The following SIK3 variants were observed in gnomAD, a reference collection of about 807,000 sequenced individuals.
SIK3 encodes the protein serine/threonine-protein kinase SIK3.
Under a neutral mutation model 144.2 loss-of-function variants are expected in SIK3, and 28 were observed. The ratio of observed to expected loss-of-function variants is 0.19; its 90% CI spans 0.14 to 0.27. The LOEUF is 0.27. Among genes scored for constraint, SIK3 ranks in the 10% least tolerant of loss-of-function variants. SIK3 has a pLI of 1.00. For synonymous variants in SIK3, 686 were observed against 676.3 expected, an observed-to-expected ratio of 1.01 and a Z score of -0.22; for missense variants, 1,319 against 1,776.0, an observed-to-expected ratio of 0.74 and a Z score of 4.62.
chr11:116,870,292 C>T (rs1325863218), intron 14 of SIK3, 39 bp downstream of exon 14: 13 of 1,613,406 alleles, frequency 8.1e-6, no homozygotes, highest in Non-Finnish European at 1.0e-5. Flanking sequence ...GGGGAGCCTG[C>T]CCAGGGGCTT....
Position 116,858,264 on chromosome 11 carries a change from G to T in SIK3, c.3201C>A (p.Phe1067Leu). 6.2e-7 allele frequency: 1 copy of T among 1,613,964 alleles called. No individual in the cohort carries two copies. Among genetic ancestry groups the T allele is most frequent in the Non-Finnish European group, 8.5e-7 (1 of 1,179,884 alleles). Residue 1067 changes from phenylalanine (F) to leucine (L), a missense_variant, in exon 21 of 25, where the codon TTC becomes TTA. Phe to Leu is a conservative substitution (Grantham distance 22, BLOSUM62 0). Coordinates refer to ENST00000445177, the MANE Select transcript of SIK3 (RefSeq NM_001366686.3). This position sits in a 1 kb window ranked among gnomAD's most constrained non-coding sequence, Gnocchi z 5.4. ...QQQQQEYQEL[F>L]RHMNQGDAGS... ...CCGCATCCCCTTGGTTCATGTGCCT[G>T]AACAGTTCCTGGTATTCTTGCTGTT...
chr11:117,072,044 T>C (rs1265739215), intron 1 of SIK3, among the ~76,000 whole-genome samples: 1 of 151,628 alleles, frequency 6.6e-6, no homozygotes, highest in Non-Finnish European at 1.5e-5. Flanking sequence ...TCACTGATGG[T>C]TTTAAAGTTC....
chr11:116,953,976 G>A (rs1949049121), intron 3 of SIK3, 68 bp downstream of exon 3: 1 of 1,270,156 alleles, frequency 7.9e-7, no homozygotes, highest in Non-Finnish European at 1.1e-6. Flanking sequence ...CAAAGGCACT[G>A]AACAGCTATT....
chr11:116,918,400 C>G (rs75622802), intron 4 of SIK3, among the ~76,000 whole-genome samples: 10,257 of 152,040 alleles, frequency 0.067, 1,132 homozygotes, highest in African/African-American at 0.24. Context: ...CCCCCACCCC[C>G]ACAAGACCTC....
At chr11:116,906,148 G>A (rs1946019730) in intron 4 of SIK3, among the ~76,000 whole-genome samples, 1 of 152,170 alleles carries the variant, frequency 6.6e-6, no homozygotes, top group South Asian at 2.1e-4. Context: ...TAGGTTAGGT[G>A]TGAGGTGAAT....
At position 117,031,016 on chromosome 11, in the gene SIK3, T is replaced by C. The variant is rs575933595; in HGVS notation, c.273+67127A>G. 5.9e-5 allele frequency among the ~76,000 whole-genome samples: 9 copies of C among 152,338 alleles called. No homozygotes were observed. In the South Asian group the frequency reaches 1.9e-3, roughly 32 times the overall value. On this transcript the variant is annotated intron_variant, in intron 1 of 24. Transcript: ENST00000445177. ...AATTGGATTACTTGGGGTTTTTTAA[T>C]ACTGAGTTTGGAGTTATTTATATAT...
rs747577989 is a variant in SIK3 at position 116,859,552 on chromosome 11, A to G, written c.2478T>C (p.Phe826=). The change falls in exon 20 of 25, where the codon TTT becomes TTC. Residue 826 remains phenylalanine, a synonymous_variant. Coordinates refer to ENST00000445177, the MANE Select transcript of SIK3 (RefSeq NM_001366686.3). ...FQGLPSRSAI[F]QQQPENCSSP... ...AGGAACAGTTCTCAGGTTGCTGCTG[A>G]AAGATTGCACTGCGGGAAGGTAAGC... The G allele has an allele frequency of 8.7e-6, 14 of 1,614,060 alleles. No homozygotes were observed. In the Admixed American group the frequency reaches 1.3e-4, roughly 15 times the overall value.
chr11:117,090,881 T>A lies in SIK3; in HGVS notation c.273+7262A>T, dbSNP rs1348972665. 5.9e-5 allele frequency among the ~76,000 whole-genome samples: 9 copies of A among 152,324 alleles called. No homozygotes were observed. In the East Asian group the frequency reaches 1.5e-3, roughly 26 times the overall value. On this transcript the variant is annotated intron_variant, in intron 1 of 24. Transcript: ENST00000445177. ...CTCTTCCTCTCTACTCGGAAATGTT[T>A]CCTCTCATCATGACATCTCGCTTTT...
At chr11:116,896,423 A>G in intron 5 of SIK3, 47 bp from the exon 6 acceptor site, 1 of 1,597,102 alleles carries the variant, frequency 6.3e-7, no homozygotes, top group Non-Finnish European at 8.6e-7. Context: ...ATCAGGGGAA[A>G]CAAAAAAGAC....
rs185523675 is a variant in SIK3, at chr11:116,918,518, A to G, written c.616+8701T>C. 1.3e-3 allele frequency among the ~76,000 whole-genome samples: 201 copies of G among 152,222 alleles called. 1 individual carries two copies. The highest frequency in any genetic ancestry group is 4.1e-3 in the African/African-American group (171 of 41,518). ...TTATCCCCAAAATAAGTGACGTGCA[A>G]TTAATAGATAATGGCATGAAAATCC... On this transcript the variant is annotated intron_variant, in intron 4 of 24. Coordinates refer to ENST00000445177, the MANE Select transcript of SIK3 (RefSeq NM_001366686.3).
At chr11:117,076,587 C>T (rs911506277) in intron 1 of SIK3, among the ~76,000 whole-genome samples, 7 of 151,784 alleles carry the variant, frequency 4.6e-5, no homozygotes, top group African/African-American at 1.2e-4. Context: ...AGTGCAGTGG[C>T]GCGATCTTGG....
At chr11:117,076,288 G>T (rs1290066523) in intron 1 of SIK3, among the ~76,000 whole-genome samples, 2 of 152,094 alleles carry the variant, frequency 1.3e-5, no homozygotes, top group Non-Finnish European at 2.9e-5. Context: ...CAAGGACTGA[G>T]TTCTCCCTCT....
chr11:116,977,870 A>G (rs1174315993), intron 1 of SIK3, among the ~76,000 whole-genome samples: 1 of 152,202 alleles, frequency 6.6e-6, no homozygotes, highest in Non-Finnish European at 1.5e-5. Flanking sequence ...AAAAAATGAA[A>G]AATATATTTA....
At chr11:116,879,288 C>T (rs1224278487) in intron 6 of SIK3, among the ~76,000 whole-genome samples, 1 of 152,170 alleles carries the variant, frequency 6.6e-6, no homozygotes, top group African/African-American at 2.4e-5. Context: ...AACAGTAAGA[C>T]ATTATTACAA....
At chr11:117,065,583 TA>T (rs1421961743) in intron 1 of SIK3, among the ~76,000 whole-genome samples, 1 of 138,984 alleles carries the variant, frequency 7.2e-6, no homozygotes, top group Admixed American at 7.0e-5. Flanking sequence ...AAATGCTTTT[TA>T]AACACAAATT....
At chr11:116,957,351 G>T (rs1949176967) in intron 1 of SIK3, among the ~76,000 whole-genome samples, 1 of 152,140 alleles carries the variant, frequency 6.6e-6, no homozygotes, top group African/African-American at 2.4e-5. Flanking sequence ...TTACTCCATA[G>T]ATGTCGTTAC....
chr11:116,987,368 T>TG (rs1227626071), intron 1 of SIK3, among the ~76,000 whole-genome samples: 1 of 151,472 alleles, frequency 6.6e-6, no homozygotes, highest in Non-Finnish European at 1.5e-5. Context: ...AGGTATATTT[T>TG]GGGGGTTAGG....
rs1948802094 is a variant in SIK3, at chr11:116,948,970, CA to C, written c.454+5073del. Among the ~76,000 whole-genome samples the C allele has an allele frequency of 2.0e-5, 3 of 152,122 alleles. No homozygotes were observed. The South Asian group carries it at 6.2e-4, about 32-fold the overall frequency. ...GAGTAGGAAACATTCGGGAAATTCA[CA>C]AATATGTGAAAATTAAACAACACAC... On this transcript the variant is annotated intron_variant, in intron 3 of 24. Coordinates refer to ENST00000445177, the MANE Select transcript of SIK3 (RefSeq NM_001366686.3).
chr11:116,929,056 G>C (rs1947448224), intron 3 of SIK3, among the ~76,000 whole-genome samples: 2 of 152,170 alleles, frequency 1.3e-5, no homozygotes, highest in Non-Finnish European at 2.9e-5. Context: ...GGTGAGGTCT[G>C]CTATGAACTT....
Sources: gnomAD v4.1 joint callset for allele counts (sites outside exome capture counted in the v4.1 genomes callset) on GRCh38, gnomAD v4.1.1 for gene constraint, Gnocchi (gnomAD v3.1) non-coding constraint, MANE v1.5 for transcripts, NCBI Gene and HGNC (gene_info 2026-07-23, HGNC 2026-07-21) for gene names.